SLC22A8: variants seen among roughly 807,000 people sequenced by gnomAD.
The protein encoded by SLC22A8 is solute carrier family 22 member 8.
Under a neutral mutation model 48.4 loss-of-function variants are expected in SLC22A8, and 40 were observed. The ratio of observed to expected loss-of-function variants is 0.83; its 90% confidence interval spans 0.64 to 1.08. The LOEUF (loss-of-function observed/expected upper bound fraction) is 1.08, where lower values mean the gene tolerates loss of function less well. Among genes scored for constraint, SLC22A8 ranks in the 50% least tolerant of loss-of-function variants. The pLI is 0.00. For missense variants in SLC22A8, 606 were observed against 699.0 expected (o/e 0.87, Z 1.50); for synonymous variants, 268 against 286.3 (o/e 0.94, Z 0.65).
At chr11:63,011,237 G>T (rs1299005100) in intron 2 of SLC22A8, among the ~76,000 whole-genome samples, 2 of 152,208 alleles carry the variant, frequency 1.3e-5, no homozygotes, top group Non-Finnish European at 1.5e-5. Flanking sequence ...TTGGGCCAAT[G>T]ACCTGTCCCT....
At chr11:62,993,401 TG>T (rs1340177285) in intron 10 of SLC22A8, 22 bp downstream of exon 10, 2 of 1,613,568 alleles carry the variant, frequency 1.2e-6, no homozygotes, top group African/African-American at 2.7e-5. Context: ...GGAGCACTGA[TG>T]GGGCCAGAGG....
chr11:63,004,756 C>A lies in SLC22A8; in HGVS notation c.334-3933G>T, dbSNP rs148260838. ...TCTGTTTTGTTTACTACTGTACTTT[C>A]ATTATCAAGAACAGTATCCGATACA... On this transcript the variant is annotated intron_variant, in intron 2 of 10. Transcript: ENST00000336232. 3.9e-5 allele frequency among the ~76,000 whole-genome samples: 6 copies of A among 152,302 alleles called. No homozygotes were observed. The East Asian group carries it at 9.6e-4, about 24-fold the overall frequency.
intron 2 of SLC22A8, among the ~76,000 whole-genome samples, chr11:63,004,069 G>A (rs948821070): frequency 3.3e-5 from 5 of 152,300 alleles, no homozygotes; most frequent in Admixed American, 6.5e-5. Flanking sequence ...TCAATAATCT[G>A]TTTGGATCAT....
intron 2 of SLC22A8, among the ~76,000 whole-genome samples, chr11:63,005,929 T>C (rs1365350118): frequency 6.6e-6 from 1 of 152,186 alleles, no homozygotes; most frequent in East Asian, 1.9e-4. Flanking sequence ...TCCTGAATAT[T>C]TGAAGGAACT....
intron 2 of SLC22A8, chr11:63,001,101 C>G (rs1260157011): frequency 2.4e-6 from 1 of 413,502 alleles, no homozygotes; most frequent in Non-Finnish European, 4.5e-6. Flanking sequence ...CAACTGCTTC[C>G]TCCTCTCCAA....
Position 63,006,595 on chromosome 11 carries a change from G to GTTT in SLC22A8, c.334-5775_334-5773dup, listed in dbSNP as rs58058368. Among the ~76,000 whole-genome samples, 158 of 51,420 alleles carry GTTT rather than the reference G, an allele frequency of 3.1e-3. 30 individuals carry two copies. Among genetic ancestry groups the GTTT allele is most frequent in the East Asian group, 0.021 (30 of 1,424 alleles). The allele number at this position is 51,420 out of a possible 152,430, so 33.7% of individuals were successfully genotyped here. ...TGAGGACTGAGAATGTCTCATTTGA[G>GTTT]TTTTTTTTTTTTTTTTTTTTTTTTT... is the stretch of plus-strand genomic sequence containing the variant. On this transcript the variant is annotated intron_variant, in intron 2 of 10. Coordinates refer to ENST00000336232, the MANE Select transcript of SLC22A8 (RefSeq NM_004254.4).
rs2086393610 is a variant in SLC22A8, at chr11:62,994,695, G to A, written c.1063C>T (p.Leu355Phe). ...CCAAAGATGATCTGGAGGATGTAGA[G>A]GTTGACTCCAAATTCTTCCACACCC... ...AMGVEEFGVN[L>F]YILQIIFGGV... Residue 355 changes from leucine to phenylalanine, a missense_variant, in exon 8 of 11, where the codon CTC becomes TTC. By Grantham distance (22) the Leu-to-Phe change is conservative. Coordinates refer to ENST00000336232, the MANE Select transcript of SLC22A8 (RefSeq NM_004254.4). 2.5e-6 allele frequency: 4 copies of A among 1,614,200 alleles called. No homozygotes were observed. The highest frequency in any genetic ancestry group is 2.5e-6 in the Non-Finnish European group (3 of 1,180,020).
At chr11:62,994,838 A>C (rs1373490007) in intron 7 of SLC22A8, 82 bp from the exon 8 acceptor site, 1 of 1,032,344 alleles carries the variant, frequency 9.7e-7, no homozygotes, top group African/African-American at 1.6e-5. Flanking sequence ...CACCAGGATG[A>C]TGAATAGCTT....
intron 2 of SLC22A8, among the ~76,000 whole-genome samples, chr11:63,013,739 A>G (rs2086644266): frequency 6.6e-6 from 1 of 152,222 alleles, no homozygotes; most frequent in Non-Finnish European, 1.5e-5. Context: ...GGGAGATAGA[A>G]ATCACCTTCA....
At chr11:62,995,922 C>T in intron 6 of SLC22A8, 103 bp from the exon 7 acceptor site, 1 of 1,551,114 alleles carries the variant, frequency 6.4e-7, no homozygotes, top group Non-Finnish European at 8.9e-7. Context: ...CTCAGGGAAT[C>T]AGATGTGGTA....
At position 62,993,349 on chromosome 11, in the gene SLC22A8, A is replaced by T; in HGVS notation, c.1530-13T>A. On this transcript the variant is annotated splice_polypyrimidine_tract_variant and intron_variant, in intron 10 of 10. Transcript: ENST00000336232. The stretch of plus-strand genomic sequence containing the variant: ...TGCCCGCAGGGACCTAGGGACAGAG[A>T]GCTAAGGAAAAGCCCTGGGCCCAGA... 2 of 1,613,808 alleles carry T rather than the reference A, an allele frequency of 1.2e-6. No homozygotes were observed. The highest frequency in any genetic ancestry group is 1.7e-6 in the Non-Finnish European group (2 of 1,179,844).
intron 5 of SLC22A8, 125 bp downstream of exon 5, chr11:62,998,796 G>T: frequency 1.3e-6 from 1 of 743,988 alleles, no homozygotes; most frequent in Non-Finnish European, 2.3e-6. Flanking sequence ...TCCCTGGAGT[G>T]CCCTTCCCTG....
intron 2 of SLC22A8, among the ~76,000 whole-genome samples, chr11:63,009,207 C>T (rs1017955308): frequency 3.3e-5 from 5 of 152,214 alleles, no homozygotes; most frequent in Middle Eastern, 3.4e-3. Flanking sequence ...GAGAGATGGG[C>T]AACTGGGGAC....
chr11:63,014,317 C>T (rs1370533790), intron 2 of SLC22A8, among the ~76,000 whole-genome samples: 1 of 152,202 alleles, frequency 6.6e-6, no homozygotes, highest in Non-Finnish European at 1.5e-5. Context: ...TGGGTGCTAT[C>T]TCCACCGGGC....
intron 2 of SLC22A8, among the ~76,000 whole-genome samples, chr11:63,003,406 G>C (rs1285044757): frequency 1.3e-5 from 2 of 152,154 alleles, no homozygotes; most frequent in Non-Finnish European, 2.9e-5. Context: ...TGGCCAGCAA[G>C]CCTGGTGGTC....
Position 63,014,862 on chromosome 11 carries a change from T to G in SLC22A8, c.97A>C (p.Asn33His). The stretch of plus-strand genomic sequence containing the variant: ...GTGAAGATCTGCAGCAGGTTGTGGT[T>G]GGCCATGTTGAGGATCGGGAGGCCC... ...ILGLPILNMANHNLLQIFTAA... is the reference protein window; with the variant it reads ...ILGLPILNMAHHNLLQIFTAA... The change falls in exon 2 of 11, where the codon AAC becomes CAC. Residue 33 changes from asparagine (N) to histidine (H), a missense_variant. By Grantham distance (68) the Asn-to-His change is moderately conservative (BLOSUM62 1). Coordinates refer to ENST00000336232, the MANE Select transcript of SLC22A8 (RefSeq NM_004254.4). 6.2e-7 allele frequency: 1 copy of G among 1,611,348 alleles called. No homozygotes were observed. The highest frequency in any genetic ancestry group is 8.5e-7 in the Non-Finnish European group (1 of 1,178,006).
rs2135116082 is a variant in SLC22A8 at position 62,994,621 on chromosome 11, G to A, written c.1137C>T (p.Tyr379=). The A allele has an allele frequency of 6.2e-7, 1 of 1,614,210 alleles. No homozygotes were observed. Among genetic ancestry groups the A allele is most frequent in the East Asian group, 2.2e-5 (1 of 44,888 alleles). Residue 379 remains tyrosine, a synonymous_variant, in exon 8 of 11, where the codon TAC becomes TAT. Transcript: ENST00000336232. The part of the protein sequence containing the change: ...AKFITILSLS[Y]LGRHTTQAAA... The stretch of plus-strand genomic sequence containing the variant: ...CGGCCTGAGTGGTATGCCGGCCCAG[G>A]TAGCTTAAGGAGAGGATGGTGATGA...
chr11:62,998,678 C>T (rs1436522850), intron 5 of SLC22A8, among the ~76,000 whole-genome samples: 6 of 152,216 alleles, frequency 3.9e-5, no homozygotes, highest in Non-Finnish European at 7.3e-5. Flanking sequence ...GTCTCCATCC[C>T]GTCCACCTCC....
At chr11:63,004,176 A>G (rs1192558401) in intron 2 of SLC22A8, among the ~76,000 whole-genome samples, 1 of 152,174 alleles carries the variant, frequency 6.6e-6, no homozygotes, top group East Asian at 1.9e-4. Context: ...TTCTACCATG[A>G]TACTTGTGAT....
Sources: gnomAD v4.1 joint callset for allele counts (sites outside exome capture counted in the v4.1 genomes callset) on GRCh38, gnomAD v4.1.1 for gene constraint, MANE v1.5 for transcripts, NCBI Gene and HGNC (gene_info 2026-07-23, HGNC 2026-07-21) for gene names.